Variants in RTN4 observed in about 807,000 individuals in gnomAD.
RTN4 encodes the protein reticulon 4, also known as reticulon-4.
A neutral mutation model predicts 90.4 loss-of-function variants in RTN4; 32 were observed. That is an observed-to-expected ratio of 0.35 (90% CI 0.27 to 0.48). RTN4 has a LOEUF of 0.48. Ranked by LOEUF, RTN4 falls within the 20% of genes least tolerant of loss-of-function variation. The pLI, the probability that RTN4 is intolerant of heterozygous loss-of-function variation, is 0.99. For missense variants in RTN4, 1,706 were observed against 1,430.2 expected (o/e 1.19, Z -3.11); for synonymous variants, 629 against 552.5 (o/e 1.14, Z -1.94).
chr2:55,050,490 C>T, upstream of RTN4: 1 of 410,836 alleles, frequency 2.4e-6, no homozygotes, highest in Non-Finnish European at 4.3e-6. The surrounding 1 kb of genome is among the most constrained non-coding windows in gnomAD (Gnocchi z 4.6). Context: ...TGATGCGCCA[C>T]CCGCCCTGTC....
At chr2:55,064,008 G>A (rs754005270) in intron 2 of RTN4, among the ~76,000 whole-genome samples, 1 of 152,012 alleles carries the variant, frequency 6.6e-6, no homozygotes, top group Non-Finnish European at 1.5e-5. Context: ...ATTACTTGAG[G>A]CCAGGATTTC....
At chr2:55,014,358 A>G (rs1302114238) in intron 3 of RTN4, 1 of 152,220 alleles carries the variant, frequency 6.6e-6, no homozygotes, top group African/African-American at 2.4e-5. Flanking sequence ...TTCTTACATT[A>G]TAATCTAAAA....
At chr2:55,042,397 C>T (rs1573459596) in intron 1 of RTN4, among the ~76,000 whole-genome samples, 1 of 152,092 alleles carries the variant, frequency 6.6e-6, no homozygotes, top group Non-Finnish European at 1.5e-5. Context: ...AAATAACCAT[C>T]AATAAGGGAC....
At chr2:54,993,792 C>A (rs1196587750) in intron 3 of RTN4, among the ~76,000 whole-genome samples, 2 of 152,130 alleles carry the variant, frequency 1.3e-5, no homozygotes, top group East Asian at 3.8e-4. Flanking sequence ...AGAAATGAGA[C>A]AACTAGGCAC....
intron 1 of RTN4, among the ~76,000 whole-genome samples, chr2:55,095,121 G>A (rs115458015): frequency 2.6e-5 from 4 of 152,156 alleles, no homozygotes; most frequent in East Asian, 1.9e-4. Flanking sequence ...TCAGGAGTTC[G>A]AGATCAGCCT....
At chr2:55,010,110 T>A in intron 3 of RTN4, 1 of 1,613,720 alleles carries the variant, frequency 6.2e-7, no homozygotes, top group Non-Finnish European at 8.5e-7. Context: ...ATTTTTCTTC[T>A]GACCGTCCAT....
At chr2:55,084,339 C>G (rs910809829) in intron 1 of RTN4, among the ~76,000 whole-genome samples, 20 of 148,874 alleles carry the variant, frequency 1.3e-4, no homozygotes, top group Admixed American at 1.2e-3. Flanking sequence ...TGGGGTCTCA[C>G]TATGTTGCCT....
intron 3 of RTN4, among the ~76,000 whole-genome samples, chr2:54,988,315 T>C (rs553115473): frequency 6.6e-6 from 1 of 152,294 alleles, no homozygotes; most frequent in South Asian, 2.1e-4. Flanking sequence ...GGACTCTGTC[T>C]CCAAAAAAAT....
intron 4 of RTN4, among the ~76,000 whole-genome samples, chr2:54,985,520 C>G (rs1439565720): frequency 6.6e-6 from 1 of 152,080 alleles, no homozygotes; most frequent in Non-Finnish European, 1.5e-5. Context: ...TCCCCATCAC[C>G]CCATAAAATG....
chr2:55,104,488 C>A (rs1447170366), intron 1 of RTN4, among the ~76,000 whole-genome samples: 3 of 152,048 alleles, frequency 2.0e-5, no homozygotes, highest in African/African-American at 7.2e-5. Context: ...GTATCTGGGA[C>A]TACAGGCGCA....
intron 3 of RTN4, among the ~76,000 whole-genome samples, chr2:54,989,830 C>A (rs1678860315): frequency 6.6e-6 from 1 of 152,034 alleles, no homozygotes. Context: ...ACCTAGAAAA[C>A]CTAAAGGTAC....
intron 4 of RTN4, among the ~76,000 whole-genome samples, chr2:54,984,282 C>G (rs1266445286): frequency 2.0e-5 from 3 of 152,104 alleles, no homozygotes; most frequent in Admixed American, 2.0e-4. Flanking sequence ...CACATGTATA[C>G]TTGTATATTT....
chr2:55,067,981 T>C (rs1435618008), intron 2 of RTN4, among the ~76,000 whole-genome samples: 2 of 152,252 alleles, frequency 1.3e-5, no homozygotes, highest in African/African-American at 4.8e-5. Flanking sequence ...CAAATTTCCT[T>C]AAAGTCTAGC....
chr2:55,130,657 G>A, the RTN4 span, among the ~76,000 whole-genome samples: 2 of 152,106 alleles, frequency 1.3e-5, no homozygotes, highest in African/African-American at 2.4e-5. Flanking sequence ...AGGCTGAGGC[G>A]GGAGGATCTC....
Position 55,026,042 on chromosome 2 carries a change from G to T in RTN4, c.2057C>A (p.Ala686Asp), listed in dbSNP as rs752686922. The T allele has an allele frequency of 6.2e-7, 1 of 1,611,254 alleles. No individual in the cohort carries two copies. Among genetic ancestry groups the T allele is most frequent in the South Asian group, 1.1e-5 (1 of 90,406 alleles). ...ATAAGGAGCTTCTGTTTCTTGAAGAGCTGCATTAATATTTTCAGGCTCTTT... is the reference window on the plus strand; with the variant it reads ...ATAAGGAGCTTCTGTTTCTTGAAGATCTGCATTAATATTTTCAGGCTCTTT... The part of the protein sequence containing the change: ...EIKEPENINA[A>D]LQETEAPYIS... Residue 686 changes from alanine (A) to aspartate (D), a missense_variant, in exon 3 of 9, where the codon GCT becomes GAT. Physicochemically the swap from Ala to Asp is moderately radical, Grantham distance 126. Transcript: ENST00000337526.
At chr2:55,046,051 C>T (rs1326293060) in intron 1 of RTN4, among the ~76,000 whole-genome samples, 1 of 152,146 alleles carries the variant, frequency 6.6e-6, no homozygotes, top group African/African-American at 2.4e-5. Context: ...AGTAAAATTA[C>T]AACTTATTAA....
At chr2:55,134,983 A>G in the RTN4 span, among the ~76,000 whole-genome samples, 1 of 152,170 alleles carries the variant, frequency 6.6e-6, no homozygotes, top group Non-Finnish European at 1.5e-5. Context: ...TAAAATGCAC[A>G]TAGCACCAGG....
At chr2:54,980,230 T>C (rs535256143) in intron 5 of RTN4, among the ~76,000 whole-genome samples, 3 of 152,312 alleles carry the variant, frequency 2.0e-5, no homozygotes, top group South Asian at 2.1e-4. Flanking sequence ...TTCTCAAAAC[T>C]TTTTTTAAAA....
intron 4 of RTN4, among the ~76,000 whole-genome samples, chr2:54,984,350 C>G (rs1678380677): frequency 6.6e-6 from 1 of 152,156 alleles, no homozygotes; most frequent in South Asian, 2.1e-4. Context: ...AATACATGGT[C>G]TAACACACTG....
Sources: gnomAD v4.1 joint callset for allele counts (sites outside exome capture counted in the v4.1 genomes callset) on GRCh38, gnomAD v4.1.1 for gene constraint, Gnocchi (gnomAD v3.1) non-coding constraint, MANE v1.5 for transcripts, NCBI Gene and HGNC (gene_info 2026-07-23, HGNC 2026-07-21) for gene names.